Variants in RFC3 observed in about 807,000 individuals in gnomAD.
RFC3 encodes the protein A1 38 kDa subunit.
Under a neutral mutation model 45.1 loss-of-function variants are expected in RFC3, and 41 were observed. The ratio of observed to expected loss-of-function variants is 0.91; its 90% confidence interval spans 0.71 to 1.18. The LOEUF (loss-of-function observed/expected upper bound fraction) is 1.18. Among genes scored for constraint, RFC3 ranks in the 50% most tolerant of loss-of-function variants. The pLI is 0.00. For missense variants in RFC3, 423 were observed against 428.1 expected (o/e 0.99, Z 0.10); for synonymous variants, 149 against 144.0 (o/e 1.03, Z -0.25).
Position 33,835,234 on chromosome 13 carries a change from T to C in RFC3, c.879+17T>C, listed in dbSNP as rs746641947. 6.4e-7 allele frequency: 1 copy of C among 1,570,488 alleles called. No homozygotes were observed. The highest frequency in any genetic ancestry group is 8.8e-7 in the Non-Finnish European group (1 of 1,140,462). On this transcript the variant is annotated intron_variant, in intron 8 of 8. Coordinates refer to ENST00000380071, the MANE Select transcript of RFC3 (RefSeq NM_002915.4). The stretch of plus-strand genomic sequence containing the variant: ...ATAATGAAGGTAACCCAATTTCAGA[T>C]CTTGAACTTTTTACAGCTATAAAAT...
intron 8 of RFC3, among the ~76,000 whole-genome samples, chr13:33,956,943 A>G (rs1490286172): frequency 1.3e-5 from 2 of 152,074 alleles, no homozygotes; most frequent in East Asian, 1.9e-4. Context: ...CTGTCTGTAT[A>G]TATCTATTTA....
chr13:33,824,628 CA>C (rs2082032902), intron 3 of RFC3, among the ~76,000 whole-genome samples: 1 of 152,034 alleles, frequency 6.6e-6, no homozygotes, highest in Non-Finnish European at 1.5e-5. Flanking sequence ...TCATATTCAA[CA>C]TGGGCAGTGA....
At chr13:33,970,251 C>A (rs1472306583), downstream of RFC3, among the ~76,000 whole-genome samples, 3 of 152,178 alleles carry the variant, frequency 2.0e-5, no homozygotes, top group Non-Finnish European at 4.4e-5. Flanking sequence ...CATGTCCTTG[C>A]AAAAGACATG....
intron 8 of RFC3, among the ~76,000 whole-genome samples, chr13:33,884,079 G>A (rs546063348): frequency 6.6e-6 from 1 of 152,222 alleles, no homozygotes; most frequent in Non-Finnish European, 1.5e-5. Context: ...ATCATTTATT[G>A]AGCAACTACA....
In RFC3 at chr13:33,836,573, C is replaced by G. The variant is rs1327928032; in HGVS notation, c.*278C>G. On this transcript the variant is annotated 3_prime_UTR_variant, in exon 9 of 9. Coordinates refer to ENST00000380071, the MANE Select transcript of RFC3 (RefSeq NM_002915.4). ...GTTATTCAAGTATTCATTGTTGATC[C>G]TCCTATTCTCTTCCGTCTAATCTCT... 13 of 1,097,590 alleles carry G rather than the reference C, an allele frequency of 1.2e-5. No homozygotes were observed. The highest frequency in any genetic ancestry group is 1.4e-5 in the Non-Finnish European group (13 of 899,064). 68.0% of individuals were successfully genotyped at this position (1,097,590 alleles called of 1,614,324 possible).
intron 8 of RFC3, among the ~76,000 whole-genome samples, chr13:33,939,432 T>G (rs542363486): frequency 6.6e-6 from 1 of 152,248 alleles, no homozygotes; most frequent in Non-Finnish European, 1.5e-5. Context: ...ACCAAGGTGC[T>G]CGGAAGGTGG....
At position 33,947,701 on chromosome 13, in the gene RFC3, G is replaced by T. The variant is rs751657794; in HGVS notation, c.880-18386G>T. On this transcript the variant is annotated intron_variant, in intron 8 of 8. Coordinates refer to the RFC3 transcript ENST00000434425. ...GTTGAATGGCTTTGGTCAAAATGCT[G>T]ATAGTGATATGGACAATGAAGTCCA... is the stretch of plus-strand genomic sequence containing the variant. Among the ~76,000 whole-genome samples, 84 of 152,294 alleles carry T rather than the reference G, an allele frequency of 5.5e-4. 1 individual carries two copies. The highest frequency in any genetic ancestry group is 1.4e-3 in the Admixed American group (21 of 15,286).
At chr13:33,946,210 G>A (rs748236520) in intron 8 of RFC3, among the ~76,000 whole-genome samples, 4 of 152,218 alleles carry the variant, frequency 2.6e-5, no homozygotes, top group East Asian at 1.9e-4. Context: ...TTTAAGAAGC[G>A]ACTTATTACA....
chr13:33,830,073 G>A (rs754006110), intron 5 of RFC3, 56 bp downstream of exon 5: 3 of 1,441,660 alleles, frequency 2.1e-6, no homozygotes, highest in Non-Finnish European at 2.9e-6. Context: ...TCTGAATATT[G>A]TATGCTTGTT....
At chr13:33,875,415 A>G (rs1233899562) in intron 8 of RFC3, among the ~76,000 whole-genome samples, 1 of 152,232 alleles carries the variant, frequency 6.6e-6, no homozygotes, top group Non-Finnish European at 1.5e-5. Flanking sequence ...TAATCTAGGC[A>G]GAGGAGTGGC....
At chr13:33,952,311 C>G (rs1438597616) in intron 8 of RFC3, among the ~76,000 whole-genome samples, 2 of 152,196 alleles carry the variant, frequency 1.3e-5, no homozygotes, top group Non-Finnish European at 2.9e-5. Context: ...CTCTTTAAAT[C>G]TCTTTCTGAA....
intron 8 of RFC3, among the ~76,000 whole-genome samples, chr13:33,885,508 G>A (rs572462929): frequency 6.6e-6 from 1 of 152,062 alleles, no homozygotes; most frequent in South Asian, 2.1e-4. Context: ...AGCCATCTAG[G>A]TTTCATTATT....
At chr13:33,927,238 A>G (rs868746705) in intron 8 of RFC3, among the ~76,000 whole-genome samples, 19 of 151,934 alleles carry the variant, frequency 1.3e-4, no homozygotes, top group Non-Finnish European at 2.5e-4. Context: ...AGCAGTTAAA[A>G]AAAAAAAAAA....
At chr13:33,842,857 A>G (rs1160776050) in intron 8 of RFC3, among the ~76,000 whole-genome samples, 1 of 152,182 alleles carries the variant, frequency 6.6e-6, no homozygotes, top group Non-Finnish European at 1.5e-5. Context: ...TCCATGTGTG[A>G]ATCAGTGTTT....
chr13:33,908,428 C>T (rs765141082), intron 8 of RFC3, among the ~76,000 whole-genome samples: 1 of 151,946 alleles, frequency 6.6e-6, no homozygotes, highest in Non-Finnish European at 1.5e-5. Context: ...TCACTGGGTT[C>T]TCTATGATGT....
chr13:33,927,912 C>T (rs184278787), intron 8 of RFC3, among the ~76,000 whole-genome samples: 10 of 152,200 alleles, frequency 6.6e-5, no homozygotes, highest in African/African-American at 2.4e-4. Context: ...AGAATAGAAG[C>T]TCTAGGGACT....
At chr13:33,937,704 C>T (rs543480490) in intron 8 of RFC3, among the ~76,000 whole-genome samples, 297 of 152,218 alleles carry the variant, frequency 2.0e-3, no homozygotes, top group Middle Eastern at 6.8e-3. Context: ...AAGGTGTAGC[C>T]GGACTCCTTA....
chr13:33,891,568 T>C lies in RFC3; in HGVS notation c.879+56351T>C, dbSNP rs149782965. Among the ~76,000 whole-genome samples the C allele has an allele frequency of 5.0e-3, 763 of 152,276 alleles. 7 individuals are homozygous for C. The highest frequency in any genetic ancestry group is 0.018 in the African/African-American group (737 of 41,570). The stretch of plus-strand genomic sequence containing the variant: ...ATCAAATCCTTTTAAGCTAATCTAA[T>C]ATGGTAGATCAAGGAGAAATGATAG... On this transcript the variant is annotated intron_variant, in intron 8 of 8. Transcript: ENST00000434425.
rs1419412160 is a variant in RFC3 at position 33,925,059 on chromosome 13, ACATATATAGTGTACTATATACACG to A, written c.880-40989_880-40966del. On this transcript the variant is annotated intron_variant, in intron 8 of 8. Transcript: ENST00000434425. ...ATATATAGTGTACATATATATATAC[ACATATATAGTGTACTATATACACG>A]CATATATAGTGTACTATATACACGC... Among the ~76,000 whole-genome samples, 899 of 145,382 alleles carry A rather than the reference ACATATATAGTGTACTATATACACG, an allele frequency of 6.2e-3. 5 individuals carry two copies. Among genetic ancestry groups the A allele is most frequent in the South Asian group, 0.024 (113 of 4,748 alleles).
Sources: gnomAD v4.1 joint callset for allele counts (sites outside exome capture counted in the v4.1 genomes callset) on GRCh38, gnomAD v4.1.1 for gene constraint, MANE v1.5 for transcripts, NCBI Gene and HGNC (gene_info 2026-07-23, HGNC 2026-07-21) for gene names.